TXK: variants seen among roughly 807,000 people sequenced by gnomAD.
TXK encodes tyrosine-protein kinase TXK.
TXK carries 60 observed loss-of-function variants against 81.0 expected under a neutral mutation model. The ratio of observed to expected loss-of-function variants is 0.74; its 90% CI spans 0.60 to 0.92. The LOEUF (loss-of-function observed/expected upper bound fraction) is 0.92, where lower values mean the gene tolerates loss of function less well. TXK is among the 40% of genes least tolerant of loss of function. TXK has a pLI of 0.00. For synonymous variants in TXK, 203 were observed against 210.7 expected, an observed-to-expected ratio of 0.96 and a Z score of 0.32; for missense variants, 581 against 638.3, an observed-to-expected ratio of 0.91 and a Z score of 0.97.
intron 8 of TXK, among the ~76,000 whole-genome samples, chr4:48,090,277 A>G (rs1717713869): frequency 6.6e-6 from 1 of 152,354 alleles, no homozygotes; most frequent in East Asian, 1.9e-4. Flanking sequence ...AAAATATGCC[A>G]TATGTCCTTG....
chr4:48,119,453 A>T (rs143839440), intron 1 of TXK, among the ~76,000 whole-genome samples: 55 of 152,300 alleles, frequency 3.6e-4, no homozygotes, highest in Non-Finnish European at 5.3e-4. Context: ...TACCATGGAC[A>T]TACAGTTCAA....
At position 48,066,836 on chromosome 4, in the gene TXK, CT is replaced by C. The variant is rs1314029506; in HGVS notation, c.*800del. 6.6e-6 allele frequency: 1 copy of C among 152,194 alleles called. No homozygotes were observed. The highest frequency in any genetic ancestry group is 1.9e-4 in the East Asian group (1 of 5,198). 9.4% of individuals were successfully genotyped at this position (152,194 alleles called of 1,614,324 possible). On this transcript the variant is annotated 3_prime_UTR_variant, in exon 15 of 15. Coordinates refer to ENST00000264316, the MANE Select transcript of TXK (RefSeq NM_003328.3). Reference sequence around the variant, plus strand: ...TCCTCTTCTGGAAAGAACAAATCATCTTCCTGAAAATTACAGGAGACACTTA... The same window carrying C: ...TCCTCTTCTGGAAAGAACAAATCATCTCCTGAAAATTACAGGAGACACTTA...
intron 1 of TXK, among the ~76,000 whole-genome samples, chr4:48,130,730 T>G (rs1222469450): frequency 6.6e-6 from 1 of 152,162 alleles, no homozygotes; most frequent in Non-Finnish European, 1.5e-5. Flanking sequence ...ATATTCATAA[T>G]AGTAATAATG....
chr4:48,087,106 G>A (rs1165161707), intron 9 of TXK, among the ~76,000 whole-genome samples: 1 of 152,020 alleles, frequency 6.6e-6, no homozygotes, highest in Admixed American at 6.5e-5. Flanking sequence ...TCTTCTTAGG[G>A]AAAAGTCCAA....
At chr4:48,079,002 T>C (rs1192825862) in intron 11 of TXK, among the ~76,000 whole-genome samples, 2 of 152,192 alleles carry the variant, frequency 1.3e-5, no homozygotes, top group African/African-American at 2.4e-5. Flanking sequence ...AGTCACATGA[T>C]AGGTTAGGTG....
intron 1 of TXK, among the ~76,000 whole-genome samples, chr4:48,122,973 C>G (rs1001207583): frequency 6.6e-6 from 1 of 152,210 alleles, no homozygotes; most frequent in African/African-American, 2.4e-5. Context: ...ACAGGCCAAG[C>G]AGAGCAATCA....
At chr4:48,092,481 T>C (rs1485954410) in intron 8 of TXK, among the ~76,000 whole-genome samples, 7 of 151,656 alleles carry the variant, frequency 4.6e-5, no homozygotes, top group Non-Finnish European at 7.4e-5. Context: ...AAATATGGAG[T>C]GTTGAAAGCA....
chr4:48,086,386 G>A (rs1334085339), intron 10 of TXK, 80 bp downstream of exon 10: 3 of 1,447,254 alleles, frequency 2.1e-6, no homozygotes, highest in East Asian at 2.3e-5. Flanking sequence ...AAATCCAGGT[G>A]TGGCTGCCTC....
At chr4:48,080,678 ACAC>A in intron 10 of TXK, among the ~76,000 whole-genome samples, 2 of 151,492 alleles carry the variant, frequency 1.3e-5, no homozygotes, top group Non-Finnish European at 2.9e-5. Context: ...ACACACACAC[ACAC>A]ACACACACAC....
intron 11 of TXK, among the ~76,000 whole-genome samples, chr4:48,077,461 A>G (rs1175043992): frequency 6.6e-6 from 1 of 152,202 alleles, no homozygotes; most frequent in African/African-American, 2.4e-5. Flanking sequence ...GTTCACGGAC[A>G]TATTTTAAGT....
chr4:48,128,900 T>C (rs1719167056), intron 1 of TXK, among the ~76,000 whole-genome samples: 1 of 151,956 alleles, frequency 6.6e-6, no homozygotes, highest in South Asian at 2.1e-4. Context: ...TAAGGGCCTT[T>C]TGAAGATAGG....
intron 11 of TXK, among the ~76,000 whole-genome samples, 159 bp downstream of exon 11, chr4:48,079,753 A>G (rs538715132): frequency 6.6e-6 from 1 of 152,338 alleles, no homozygotes; most frequent in African/African-American, 2.4e-5. Context: ...TCAATGGACA[A>G]TTGAAAACAA....
At chr4:48,095,269 G>C (rs1368690567) in intron 6 of TXK, 47 bp from the exon 7 acceptor site, 1 of 1,454,422 alleles carries the variant, frequency 6.9e-7, no homozygotes, top group Admixed American at 1.8e-5. Context: ...TTCTTAGAAA[G>C]ACAAACCTAC....
At chr4:48,113,173 C>G (rs762534690) in intron 3 of TXK, 34 bp downstream of exon 3, 12 of 1,514,890 alleles carry the variant, frequency 7.9e-6, no homozygotes, top group Non-Finnish European at 1.8e-6. Flanking sequence ...ACAACCTTCT[C>G]CATTCCCCTC....
At chr4:48,094,047 G>T (rs917897283) in intron 8 of TXK, 30 bp downstream of exon 8, 50 of 1,612,606 alleles carry the variant, frequency 3.1e-5, no homozygotes, top group Non-Finnish European at 3.6e-5. Flanking sequence ...ATGGCTCCCT[G>T]ACTCACCCAG....
intron 11 of TXK, among the ~76,000 whole-genome samples, chr4:48,079,553 A>G (rs1717209508): frequency 6.6e-6 from 1 of 152,058 alleles, no homozygotes; most frequent in Non-Finnish European, 1.5e-5. Context: ...CCACCCACCA[A>G]GTTGTCCTTA....
chr4:48,083,403 G>C (rs995924317), intron 10 of TXK, among the ~76,000 whole-genome samples: 1 of 152,210 alleles, frequency 6.6e-6, no homozygotes, highest in Admixed American at 6.5e-5. Flanking sequence ...TGGATGGATT[G>C]ATGTCTTATG....
chr4:48,104,362 A>G (rs1212819620), intron 6 of TXK, among the ~76,000 whole-genome samples: 1 of 1,436 alleles, frequency 7.0e-4, no homozygotes, highest in African/African-American at 6.1e-3. Flanking sequence ...AATATAATAT[A>G]TAATATATAT....
At chr4:48,118,128 G>T (rs1718858839) in intron 1 of TXK, among the ~76,000 whole-genome samples, 2 of 152,216 alleles carry the variant, frequency 1.3e-5, no homozygotes, top group Admixed American at 1.3e-4. Context: ...AATCGAGGTA[G>T]ATCGGTGTCT....
Sources: gnomAD v4.1 joint callset for allele counts (sites outside exome capture counted in the v4.1 genomes callset) on GRCh38, gnomAD v4.1.1 for gene constraint, MANE v1.5 for transcripts, NCBI Gene and HGNC (gene_info 2026-07-23, HGNC 2026-07-21) for gene names.